SMG6: variants seen among roughly 807,000 people sequenced by gnomAD.
The protein encoded by SMG6 is SMG6 nonsense mediated mRNA decay factor.
Under a neutral mutation model 142.2 loss-of-function variants are expected in SMG6, and 66 were observed. The ratio of observed to expected loss-of-function variants is 0.46; its 90% CI spans 0.38 to 0.57. SMG6 has a LOEUF of 0.57. Among genes scored for constraint, SMG6 ranks in the 20% least tolerant of loss-of-function variants. SMG6 has a pLI of 0.00. For synonymous variants in SMG6, 779 were observed against 702.4 expected, an observed-to-expected ratio of 1.11 and a Z score of -1.72; for missense variants, 1,793 against 1,832.0, an observed-to-expected ratio of 0.98 and a Z score of 0.39.
chr17:2,154,894 G>T (rs556630322), intron 13 of SMG6, among the ~76,000 whole-genome samples: 12 of 151,928 alleles, frequency 7.9e-5, no homozygotes, highest in Non-Finnish European at 1.5e-4. Flanking sequence ...AAATTAGCGG[G>T]GTGTGGTAGC....
chr17:2,127,715 C>T, intron 13 of SMG6: 2 of 565,866 alleles, frequency 3.5e-6, no homozygotes, highest in Non-Finnish European at 3.5e-6. Context: ...ACTTTAATCA[C>T]TTCATCCATT....
At chr17:2,095,004 T>C (rs2068819530) in intron 13 of SMG6, 1 of 152,182 alleles carries the variant, frequency 6.6e-6, no homozygotes, top group Non-Finnish European at 1.5e-5. Context: ...TCAGTCCAAT[T>C]CTGCTTCCCC....
chr17:2,198,242 T>C (rs1472176219), intron 10 of SMG6, among the ~76,000 whole-genome samples: 1 of 152,184 alleles, frequency 6.6e-6, no homozygotes, highest in Non-Finnish European at 1.5e-5. Context: ...CTTCAAAAGG[T>C]TATATACTGT....
chr17:2,286,267 C>A, intron 6 of SMG6, among the ~76,000 whole-genome samples: 1 of 149,252 alleles, frequency 6.7e-6, no homozygotes, highest in African/African-American at 2.5e-5. Context: ...AAAAAGCTGA[C>A]CCTAAAATCC....
rs750250315 is a variant in SMG6 at position 2,300,034 on chromosome 17, G to T, written c.719C>A (p.Ser240Tyr). 2 of 1,614,142 alleles carry T rather than the reference G, an allele frequency of 1.2e-6. No homozygotes were observed. The highest frequency in any genetic ancestry group is 1.1e-5 in the South Asian group (1 of 91,080). The stretch of plus-strand genomic sequence containing the variant: ...GTCTGAGCGGGAGTAGCGCTTTGCG[G>T]AGCCCGGCCTCCCGCGGGCTGGGTC... ...HDDPARGRPG[S>Y]AKRYSRSDKR... is the part of the protein sequence containing the mutation. Residue 240 changes from serine to tyrosine, a missense_variant, in exon 2 of 19, where the codon TCC becomes TAC. Transcript: ENST00000263073.
At chr17:2,288,621 TAAA>T (rs35498445) in intron 6 of SMG6, among the ~76,000 whole-genome samples, 12 of 137,690 alleles carry the variant, frequency 8.7e-5, no homozygotes, top group Non-Finnish European at 1.2e-4. Context: ...TTCTCTCAAT[TAAA>T]AAAAAAAAAA....
chr17:2,175,929 T>C (rs939411432), intron 12 of SMG6, among the ~76,000 whole-genome samples: 6 of 152,154 alleles, frequency 3.9e-5, no homozygotes, highest in African/African-American at 1.4e-4. Flanking sequence ...TATCATCAGT[T>C]ATCTCCTTTC....
At chr17:2,074,439 C>T (rs1956057881) in intron 15 of SMG6, among the ~76,000 whole-genome samples, 1 of 152,100 alleles carries the variant, frequency 6.6e-6, no homozygotes, top group African/African-American at 2.4e-5. Context: ...CAGCAGCATC[C>T]CCTGGGAGCA....
intron 13 of SMG6, among the ~76,000 whole-genome samples, chr17:2,116,614 CGG>C (rs1412942081): frequency 6.6e-6 from 1 of 151,800 alleles, no homozygotes; most frequent in Admixed American, 6.6e-5. Context: ...GGTGTGGTGG[CGG>C]GTACATGTGT....
chr17:2,121,583 CTGTCTGTGTG>C lies in SMG6; in HGVS notation c.3358-35692_3358-35683del, dbSNP rs1194777107. 7.4e-4 allele frequency among the ~76,000 whole-genome samples: 88 copies of C among 118,292 alleles called. 3 individuals are homozygous for C. Among genetic ancestry groups the C allele is most frequent in the South Asian group, 1.5e-3 (5 of 3,438 alleles). The allele number at this position is 118,292 out of a possible 152,430, so 77.6% of individuals were successfully genotyped here. On this transcript the variant is annotated intron_variant, in intron 13 of 18. Coordinates refer to ENST00000263073, the MANE Select transcript of SMG6 (RefSeq NM_017575.5). ...CACATATATGTATATATGTACATGT[CTGTCTGTGTG>C]TGTGTGTGTGTGTGTGTGTGTGTGT...
chr17:2,300,461 A>C lies in SMG6; in HGVS notation c.292T>G (p.Cys98Gly). 6.2e-7 allele frequency: 1 copy of C among 1,614,146 alleles called. No homozygotes were observed. The highest frequency in any genetic ancestry group is 8.5e-7 in the Non-Finnish European group (1 of 1,180,022). ...TGCTCTTGGTTGTTCAGTTCCTTGC[A>C]GACATCTTTAACGGGCTGTGTACCA... The part of the protein sequence containing the change: ...ENGTQPVKDV[C>G]KELNNQEQNG... The change falls in exon 2 of 19, where the codon TGC becomes GGC. Residue 98 changes from cysteine (C) to glycine (G), a missense_variant. By Grantham distance (159) the Cys-to-Gly change is radical (BLOSUM62 -3). Transcript: ENST00000263073.
chr17:2,142,044 T>C (rs2070496518), intron 13 of SMG6, among the ~76,000 whole-genome samples: 2 of 152,136 alleles, frequency 1.3e-5, no homozygotes, highest in South Asian at 4.1e-4. Flanking sequence ...GTTTTGTTTT[T>C]GTTTTTGGCG....
chr17:2,135,960 G>A (rs2070281548), intron 13 of SMG6, among the ~76,000 whole-genome samples: 1 of 151,128 alleles, frequency 6.6e-6, no homozygotes, highest in Admixed American at 6.6e-5. Flanking sequence ...TGGGATTACA[G>A]GCATGAGATA....
intron 13 of SMG6, among the ~76,000 whole-genome samples, chr17:2,170,281 C>T (rs1218498549): frequency 2.0e-5 from 3 of 152,146 alleles, no homozygotes; most frequent in Admixed American, 6.5e-5. Flanking sequence ...GTGTTCTCCT[C>T]GAGCCAAAAC....
rs1052461905 is a variant in SMG6, at chr17:2,085,423, C to G, written c.3534+302G>C. On this transcript the variant is annotated intron_variant, in intron 14 of 18. Transcript: ENST00000263073. This position sits in a 1 kb window ranked among gnomAD's most constrained non-coding sequence, Gnocchi z 4.1. Reference sequence around the variant, plus strand: ...CTATAAACTTGATCCTGACCACCCCCCTCTCCCTTTCCTAAGCCTCGAGAG... The same window carrying G: ...CTATAAACTTGATCCTGACCACCCCGCTCTCCCTTTCCTAAGCCTCGAGAG... Among the ~76,000 whole-genome samples, 6 of 152,152 alleles carry G rather than the reference C, an allele frequency of 3.9e-5. No individual in the cohort carries two copies. In the East Asian group the frequency reaches 5.8e-4, roughly 15 times the overall value.
At chr17:2,062,002 CTT>C (rs141681719) in intron 18 of SMG6, 7 of 153,712 alleles carry the variant, frequency 4.6e-5, no homozygotes, top group African/African-American at 9.8e-5. Context: ...CCACACCCCA[CTT>C]TTTTTTTTTT....
Position 2,303,655 on chromosome 17 carries a change from C to A in SMG6, c.66G>T (p.Leu22=). Residue 22 remains leucine, a synonymous_variant, in exon 1 of 19, where the codon CTG becomes CTT. Transcript: ENST00000263073. The part of the protein sequence containing the change: ...ASELRGILAT[L]APQAGSRENM... Reference sequence around the variant, plus strand: ...CACCTCTGCTCCCGGCCTGCGGGGCCAGAGTAGCCAGGATCCCGCGCAGCT... The same window carrying A: ...CACCTCTGCTCCCGGCCTGCGGGGCAAGAGTAGCCAGGATCCCGCGCAGCT... The A allele has an allele frequency of 1.3e-6, 2 of 1,489,982 alleles. No homozygotes were observed. The highest frequency in any genetic ancestry group is 2.5e-5 in the South Asian group (2 of 79,528). The allele number at this position is 1,489,982 out of a possible 1,614,324, so 92.3% of individuals were successfully genotyped here.
chr17:2,061,433 G>T lies in SMG6; in HGVS notation c.*59C>A. ...ACGTGGGCATCTTCCGTGCTACACT[G>T]GGCGCCTGGTGGCCTTTCAGGAACG... On this transcript the variant is annotated 3_prime_UTR_variant, in exon 19 of 19. Coordinates refer to ENST00000263073, the MANE Select transcript of SMG6 (RefSeq NM_017575.5). 2.0e-6 allele frequency: 3 copies of T among 1,514,476 alleles called. No homozygotes were observed. Among genetic ancestry groups the T allele is most frequent in the Non-Finnish European group, 2.7e-6 (3 of 1,127,468 alleles). 93.8% of individuals were successfully genotyped at this position (1,514,476 alleles called of 1,614,324 possible). A position where few individuals can be genotyped will look rare whatever the true frequency, so the allele number is the denominator to read the frequency against.
chr17:2,126,092 T>C (rs1162152502), intron 13 of SMG6, among the ~76,000 whole-genome samples: 1 of 152,086 alleles, frequency 6.6e-6, no homozygotes, highest in African/African-American at 2.4e-5. Context: ...CAAAACGGTG[T>C]GGTACTGGCA....
Sources: allele counts gnomAD v4.1 joint callset (sites outside exome capture counted in the v4.1 genomes callset), GRCh38; gene constraint gnomAD v4.1.1; non-coding constraint Gnocchi (gnomAD v3.1); transcripts MANE v1.5; gene names NCBI Gene and HGNC (gene_info 2026-07-23, HGNC 2026-07-21).